PRKAR1A: variants seen among roughly 807,000 people sequenced by gnomAD.
PRKAR1A encodes cAMP-dependent protein kinase type I-alpha regulatory subunit.
A neutral mutation model predicts 52.0 loss-of-function variants in PRKAR1A; 3 were observed. That is an observed-to-expected ratio of 0.06 (90% CI 0.03 to 0.15). PRKAR1A has a LOEUF of 0.15. PRKAR1A is among the 10% of genes least tolerant of loss of function. PRKAR1A has a pLI of 1.00. For missense variants in PRKAR1A, 240 were observed against 477.4 expected, an observed-to-expected ratio of 0.50 and a Z score of 4.63; for synonymous variants, 188 against 168.4, an observed-to-expected ratio of 1.12 and a Z score of -0.90.
chr17:68,431,548 G>T, the PRKAR1A span, among the ~76,000 whole-genome samples: 2,033 of 152,244 alleles, frequency 0.013, 40 homozygotes, highest in African/African-American at 0.046. Context: ...CTGAGGAGGA[G>T]GTGTCATGTT....
At chr17:68,496,996 G>T in the PRKAR1A span, among the ~76,000 whole-genome samples, 1 of 151,566 alleles carries the variant, frequency 6.6e-6, no homozygotes, top group African/African-American at 2.4e-5. Context: ...GCCCATTTTT[G>T]TATTTTTTGT....
At chr17:68,546,540 G>T (rs1005724691) in intron 11 of PRKAR1A, among the ~76,000 whole-genome samples, 4 of 151,996 alleles carry the variant, frequency 2.6e-5, no homozygotes, top group Non-Finnish European at 4.4e-5. Context: ...TTCTTAAATT[G>T]TAAGACTTGG....
At chr17:68,483,594 G>A in the PRKAR1A span, among the ~76,000 whole-genome samples, 1 of 152,138 alleles carries the variant, frequency 6.6e-6, no homozygotes, top group African/African-American at 2.4e-5. Context: ...AGGTGCGGTG[G>A]CTCATGCCTG....
chr17:68,475,285 C>T, the PRKAR1A span, among the ~76,000 whole-genome samples: 1 of 152,156 alleles, frequency 6.6e-6, no homozygotes, highest in Admixed American at 6.5e-5. Context: ...GACACCTGTG[C>T]CCTTGTTTCT....
At chr17:68,469,649 C>A in the PRKAR1A span, among the ~76,000 whole-genome samples, 1 of 151,442 alleles carries the variant, frequency 6.6e-6, no homozygotes. Context: ...CCTGATTTAA[C>A]TAGCATTATT....
intron 2 of PRKAR1A, among the ~76,000 whole-genome samples, chr17:68,521,852 A>G: frequency 6.6e-6 from 1 of 152,238 alleles, no homozygotes; most frequent in East Asian, 1.9e-4. Context: ...AGTAGAAGAT[A>G]ACACATTTTT....
At chr17:68,508,764 A>G (rs2085227915), upstream of PRKAR1A, among the ~76,000 whole-genome samples, 1 of 152,220 alleles carries the variant, frequency 6.6e-6, no homozygotes, top group African/African-American at 2.4e-5. Context: ...TGTTAGATCC[A>G]AGTTTGCCAC....
At chr17:68,529,190 C>T (rs1466307434) in intron 9 of PRKAR1A, among the ~76,000 whole-genome samples, 199 bp downstream of exon 9, 6 of 152,102 alleles carry the variant, frequency 3.9e-5, no homozygotes, top group Non-Finnish European at 7.4e-5. Flanking sequence ...TGCCAGGTCA[C>T]TATATTTTTA....
the PRKAR1A span, among the ~76,000 whole-genome samples, chr17:68,422,884 G>T: frequency 6.6e-6 from 1 of 152,066 alleles, no homozygotes; most frequent in Non-Finnish European, 1.5e-5. Flanking sequence ...TCATCCTCCC[G>T]AATGTAGCAG....
At chr17:68,474,466 G>T in the PRKAR1A span, among the ~76,000 whole-genome samples, 3 of 152,198 alleles carry the variant, frequency 2.0e-5, no homozygotes, top group Non-Finnish European at 2.9e-5. Context: ...TTGATCTCCG[G>T]TTGTCTGATG....
chr17:68,518,558 G>A (rs1161705524), intron 2 of PRKAR1A, among the ~76,000 whole-genome samples: 2 of 152,220 alleles, frequency 1.3e-5, no homozygotes, highest in African/African-American at 2.4e-5. Context: ...CAGCTGGAAC[G>A]CAGGGTACCA....
At chr17:68,506,201 T>C in the PRKAR1A span, among the ~76,000 whole-genome samples, 26 of 150,510 alleles carry the variant, frequency 1.7e-4, no homozygotes, top group African/African-American at 6.4e-4. Flanking sequence ...CACTGATCAC[T>C]CTTCCAGCCT....
chr17:68,536,975 G>A, downstream of PRKAR1A: 2 of 454,452 alleles, frequency 4.4e-6, no homozygotes, highest in South Asian at 3.1e-5. Flanking sequence ...GAAAGTGTGA[G>A]GTCTAATTTG....
chr17:68,497,182 A>C, the PRKAR1A span, among the ~76,000 whole-genome samples: 1 of 152,212 alleles, frequency 6.6e-6, no homozygotes, highest in Non-Finnish European at 1.5e-5. Flanking sequence ...TGACATAAAA[A>C]TTAGATGAAA....
At chr17:68,525,035 G>A in intron 6 of PRKAR1A, 77 bp downstream of exon 6, 1 of 1,195,294 alleles carries the variant, frequency 8.4e-7, no homozygotes, top group Non-Finnish European at 1.2e-6. Context: ...TAAGAATAGT[G>A]ATTTTGAAGG....
the PRKAR1A span, among the ~76,000 whole-genome samples, chr17:68,472,051 G>T: frequency 1.3e-5 from 2 of 152,142 alleles, no homozygotes; most frequent in Admixed American, 6.5e-5. Context: ...CAATCCGCCC[G>T]CCTGGGCCTC....
At chr17:68,520,854 A>G (rs2085582195) in intron 2 of PRKAR1A, among the ~76,000 whole-genome samples, 1 of 152,146 alleles carries the variant, frequency 6.6e-6, no homozygotes, top group South Asian at 2.1e-4. Context: ...TTTTTCCTGA[A>G]ATTTTTGTGA....
chr17:68,530,888 C>A lies in PRKAR1A; in HGVS notation c.*439C>A. The A allele has an allele frequency of 8.8e-7, 1 of 1,130,378 alleles. No individual in the cohort carries two copies. 70.0% of individuals were successfully genotyped at this position (1,130,378 alleles called of 1,614,324 possible). A position where few individuals can be genotyped will look rare whatever the true frequency, so the allele number is the denominator to read the frequency against. On this transcript the variant is annotated 3_prime_UTR_variant, in exon 11 of 11. Coordinates refer to ENST00000589228, the MANE Select transcript of PRKAR1A (RefSeq NM_002734.5). ...TTTCTTTGTAGAATAAATGGTTTCT[C>A]ATTAAACTCTAAAGATTAGGGAAAA...
chr17:68,436,623 A>G, the PRKAR1A span: 1 of 685,498 alleles, frequency 1.5e-6, no homozygotes, highest in Non-Finnish European at 2.4e-6. Context: ...CTTTCCGCTG[A>G]TGATTCTTCT....
Sources: allele counts gnomAD v4.1 joint callset (sites outside exome capture counted in the v4.1 genomes callset), GRCh38; gene constraint gnomAD v4.1.1; transcripts MANE v1.5; gene names NCBI Gene and HGNC (gene_info 2026-07-23, HGNC 2026-07-21).